FSIP2: variants seen among roughly 807,000 people sequenced by gnomAD.
FSIP2 encodes fibrous sheath interacting protein 2.
Under a neutral mutation model 510.5 loss-of-function variants are expected in FSIP2, and 367 were observed. The observed-to-expected ratio is 0.72, with a 90% CI of 0.66 to 0.78. The LOEUF is 0.78. Ranked by LOEUF, FSIP2 falls within the 30% of genes least tolerant of loss-of-function variation. The pLI, the probability that FSIP2 is intolerant of heterozygous loss-of-function variation, is 0.00. For missense variants in FSIP2, 7,594 were observed against 7,901.7 expected, an observed-to-expected ratio of 0.96 and a Z score of 1.48; for synonymous variants, 2,601 against 2,732.2, an observed-to-expected ratio of 0.95 and a Z score of 1.50.
rs1692880925 is a variant in FSIP2, at chr2:185,782,787, A to G, written c.1469+25A>G. 4 of 1,151,184 alleles carry G rather than the reference A, an allele frequency of 3.5e-6. 1 individual carries two copies. The highest frequency in any genetic ancestry group is 5.0e-6 in the Non-Finnish European group (4 of 796,976). The allele number at this position is 1,151,184 out of a possible 1,614,324, so 71.3% of individuals were successfully genotyped here. On this transcript the variant is annotated intron_variant, in intron 14 of 22. Coordinates refer to ENST00000424728, the MANE Select transcript of FSIP2 (RefSeq NM_173651.4). ...TGTAAGTACCTAAGGAATTATATATAATCATAACTAATTTTAATGATTACA... is the reference window on the plus strand; with the variant it reads ...TGTAAGTACCTAAGGAATTATATATGATCATAACTAATTTTAATGATTACA...
chr2:185,785,235 A>G (rs1291942572), intron 14 of FSIP2, among the ~76,000 whole-genome samples: 2 of 152,116 alleles, frequency 1.3e-5, no homozygotes, highest in Admixed American at 1.3e-4. Flanking sequence ...AGGACAAATG[A>G]TAGAGAACAT....
chr2:185,833,250 T>G lies in FSIP2; in HGVS notation c.*24T>G. ...GAAGCTTTTGTACCTGATATAAGTA[T>G]GCTTACTTCTTTTAGAAAATAAAAT... is the stretch of plus-strand genomic sequence containing the variant. On this transcript the variant is annotated 3_prime_UTR_variant, in exon 23 of 23. Coordinates refer to ENST00000424728, the MANE Select transcript of FSIP2 (RefSeq NM_173651.4). 6.4e-7 allele frequency: 1 copy of G among 1,564,538 alleles called. No homozygotes were observed. Among genetic ancestry groups the G allele is most frequent in the Middle Eastern group, 1.7e-4 (1 of 5,862 alleles).
Position 185,808,312 on chromosome 2 carries a change from T to A in FSIP2, c.19006T>A (p.Ser6336Thr). The A allele has an allele frequency of 6.2e-7, 1 of 1,607,958 alleles. No individual in the cohort carries two copies. The highest frequency in any genetic ancestry group is 8.5e-7 in the Non-Finnish European group (1 of 1,178,086). Reference sequence around the variant, plus strand: ...TGAACTTAAGTCTAAGGAAAAGTCTTCATCCAGAAAAGGTTTGACATTAGA... The same window carrying A: ...TGAACTTAAGTCTAAGGAAAAGTCTACATCCAGAAAAGGTTTGACATTAGA... ...IDELKSKEKS[S>T]SRKGLTLDAK... The change falls in exon 17 of 23, where the codon TCA becomes ACA. Residue 6336 changes from serine (S) to threonine (T), a missense_variant. Transcript: ENST00000424728.
chr2:185,788,550 T>C, intron 15 of FSIP2, 93 bp from the exon 16 acceptor site: 2 of 772,486 alleles, frequency 2.6e-6, no homozygotes, highest in South Asian at 2.1e-5. Flanking sequence ...CACCAATACA[T>C]TGATATAAAA....
chr2:185,749,853 T>G (rs968602857), intron 7 of FSIP2, among the ~76,000 whole-genome samples: 10 of 151,950 alleles, frequency 6.6e-5, no homozygotes, highest in African/African-American at 2.2e-4. Context: ...TCTAGTTTGC[T>G]GAACATTTCT....
In FSIP2 at chr2:185,794,411, A is replaced by T; in HGVS notation, c.7275A>T (p.Ser2425=). Residue 2425 remains serine, a synonymous_variant, in exon 16 of 23, where the codon TCA becomes TCT. Coordinates refer to ENST00000424728, the MANE Select transcript of FSIP2 (RefSeq NM_173651.4). ...CTAACTTTTCACAATTAGCTTTATC[A>T]AATGAAATATTGCTGGGTCACAAAG... ...ENSNFSQLAL[S]NEILLGHKEK... 1.3e-6 allele frequency: 2 copies of T among 1,517,766 alleles called. No homozygotes were observed. The highest frequency in any genetic ancestry group is 1.8e-6 in the Non-Finnish European group (2 of 1,140,194). The allele number at this position is 1,517,766 out of a possible 1,614,324, so 94.0% of individuals were successfully genotyped here.
Position 185,806,501 on chromosome 2 carries a change from A to G in FSIP2, c.17195A>G (p.Lys5732Arg), listed in dbSNP as rs750880254. Residue 5732 changes from lysine (K) to arginine (R), a missense_variant, in exon 17 of 23, where the codon AAA becomes AGA. By Grantham distance (26) the Lys-to-Arg change is conservative. Coordinates refer to ENST00000424728, the MANE Select transcript of FSIP2 (RefSeq NM_173651.4). ...GATTCGGCACAGTCTGTTACAACAA[A>G]AAAAGTATCCTCCTCAACTAACAAA... ...SRDSAQSVTT[K>R]KVSSSTNKNI... is the part of the protein sequence containing the mutation. 6.9e-6 allele frequency: 11 copies of G among 1,602,700 alleles called. No homozygotes were observed. In the Admixed American group the frequency reaches 1.7e-4, roughly 25 times the overall value.
At chr2:185,771,429 A>T (rs1692606199) in intron 13 of FSIP2, among the ~76,000 whole-genome samples, 2 of 152,202 alleles carry the variant, frequency 1.3e-5, no homozygotes, top group African/African-American at 2.4e-5. Context: ...TGCATTTTGT[A>T]AACCTGCAGA....
chr2:185,748,822 T>C (rs1382913848), intron 7 of FSIP2, among the ~76,000 whole-genome samples: 1 of 152,088 alleles, frequency 6.6e-6, no homozygotes, highest in African/African-American at 2.4e-5. Context: ...AATGGAGTTA[T>C]TTTACAATTG....
intron 13 of FSIP2, among the ~76,000 whole-genome samples, chr2:185,782,329 A>C (rs1436982725): frequency 6.6e-6 from 1 of 152,214 alleles, no homozygotes; most frequent in Non-Finnish European, 1.5e-5. Context: ...TCAAGAGTTA[A>C]CATAAGCTGA....
At position 185,763,307 on chromosome 2, in the gene FSIP2, T is replaced by C. The variant is rs1363342763; in HGVS notation, c.1347+18T>C. ...AAGAAGAGGTATATAACAGTTCTTT[T>C]ACCCCAAATACAAACACAATAAAAG... On this transcript the variant is annotated intron_variant, in intron 12 of 22. Transcript: ENST00000424728. 3.2e-6 allele frequency: 3 copies of C among 947,268 alleles called. No individual in the cohort carries two copies. Among genetic ancestry groups the C allele is most frequent in the Non-Finnish European group, 4.9e-6 (3 of 609,834 alleles). 58.7% of individuals were successfully genotyped at this position (947,268 alleles called of 1,614,324 possible). A position where few individuals can be genotyped will look rare whatever the true frequency, so the allele number is the denominator to read the frequency against.
rs546929460 is a variant in FSIP2 at position 185,797,895 on chromosome 2, T to G, written c.10390+369T>G. On this transcript the variant is annotated intron_variant, in intron 16 of 22. Coordinates refer to ENST00000424728, the MANE Select transcript of FSIP2 (RefSeq NM_173651.4). ...TTGTAGAGACAGGGTTTTGCTATGT[T>G]GCGCAGGCTGGTCTCAAACTCCTGG... Among the ~76,000 whole-genome samples, 8 of 151,992 alleles carry G rather than the reference T, an allele frequency of 5.3e-5. No homozygotes were observed. In the South Asian group the frequency reaches 1.4e-3, roughly 28 times the overall value.
At chr2:185,748,160 A>G (rs140858510) in intron 7 of FSIP2, among the ~76,000 whole-genome samples, 18 of 152,184 alleles carry the variant, frequency 1.2e-4, no homozygotes, top group Admixed American at 2.0e-4. Flanking sequence ...TTAAATATGT[A>G]TGCTTCTCTT....
chr2:185,789,245 A>C lies in FSIP2; in HGVS notation c.2109A>C (p.Glu703Asp). 6.5e-7 allele frequency: 1 copy of C among 1,534,590 alleles called. No individual in the cohort carries two copies. Among genetic ancestry groups the C allele is most frequent in the South Asian group, 1.2e-5 (1 of 84,030 alleles). ...ACTTTAAATGTTACTTGAAAGGGGA[A>C]ACTGAAGTGATTTTAGAAAGCATTT... is the stretch of plus-strand genomic sequence containing the variant. Reference protein sequence around the residue: ...FVNFKCYLKGETEVILESILR... With the variant: ...FVNFKCYLKGDTEVILESILR... Residue 703 changes from glutamate to aspartate, a missense_variant, in exon 16 of 23, where the codon GAA (glutamate) becomes GAC (aspartate). Glu to Asp is a conservative substitution (Grantham distance 45, BLOSUM62 2). Coordinates refer to ENST00000424728, the MANE Select transcript of FSIP2 (RefSeq NM_173651.4).
At chr2:185,759,041 C>A (rs1447725300) in intron 9 of FSIP2, among the ~76,000 whole-genome samples, 1 of 151,014 alleles carries the variant, frequency 6.6e-6, no homozygotes, top group Non-Finnish European at 1.5e-5. Context: ...TCATTTATTT[C>A]TCTCTGTCTA....
In FSIP2 at chr2:185,792,085, T is replaced by C. The variant is rs529504299; in HGVS notation, c.4949T>C (p.Ile1650Thr). 1.3e-6 allele frequency: 2 copies of C among 1,533,734 alleles called. No individual in the cohort carries two copies. The highest frequency in any genetic ancestry group is 3.9e-5 in the Admixed American group (2 of 50,862). The part of the protein sequence containing the change: ...YMHAKKVSSA[I>T]LKVIQTELNV... The stretch of plus-strand genomic sequence containing the variant: ...CATGCAAAGAAGGTATCAAGTGCTA[T>C]TTTGAAGGTTATTCAAACAGAATTA... The change falls in exon 16 of 23, where the codon ATT (isoleucine) becomes ACT (threonine). Residue 1650 changes from isoleucine (I) to threonine (T), a missense_variant. By Grantham distance (89) the Ile-to-Thr change is moderately conservative. Transcript: ENST00000424728.
chr2:185,763,271 G>T lies in FSIP2; in HGVS notation c.1329G>T (p.Leu443Phe). Residue 443 changes from leucine to phenylalanine, a missense_variant, in exon 12 of 23, where the codon TTG becomes TTT. Physicochemically the swap from Leu to Phe is conservative, Grantham distance 22. Transcript: ENST00000424728. ...RNFSRVSQAFLDPSKEEKETN... is the reference protein window; with the variant it reads ...RNFSRVSQAFFDPSKEEKETN... ...TTTCCAGAGTTTCACAGGCATTTTT[G>T]GATCCTTCAAAAGAAGAGGTATATA... The T allele has an allele frequency of 2.0e-6, 3 of 1,476,180 alleles. No homozygotes were observed. Among genetic ancestry groups the T allele is most frequent in the Non-Finnish European group, 2.7e-6 (3 of 1,093,006 alleles). 91.4% of individuals were successfully genotyped at this position (1,476,180 alleles called of 1,614,324 possible). A position where few individuals can be genotyped will look rare whatever the true frequency, so the allele number is the denominator to read the frequency against.
chr2:185,816,614 G>T lies in FSIP2; in HGVS notation c.20426+1143G>T, dbSNP rs142312041. ...CCACTTTGGGAGGCAGAGGCATGAA[G>T]ATTGCTTGAGGCCAGGAGTTTGAAG... On this transcript the variant is annotated intron_variant, in intron 19 of 22. Coordinates refer to ENST00000424728, the MANE Select transcript of FSIP2 (RefSeq NM_173651.4). 4.8e-3 allele frequency among the ~76,000 whole-genome samples: 729 copies of T among 151,980 alleles called. 4 individuals carry two copies. Among genetic ancestry groups the T allele is most frequent in the African/African-American group, 0.016 (679 of 41,494 alleles).
intron 15 of FSIP2, among the ~76,000 whole-genome samples, chr2:185,786,858 CA>C (rs1692998245): frequency 6.6e-6 from 1 of 151,798 alleles, no homozygotes; most frequent in South Asian, 2.1e-4. Flanking sequence ...GAAACTTGCT[CA>C]ATTCATAGAA....
Sources: allele counts gnomAD v4.1 joint callset (sites outside exome capture counted in the v4.1 genomes callset), GRCh38; gene constraint gnomAD v4.1.1; transcripts MANE v1.5; gene names NCBI Gene and HGNC (gene_info 2026-07-23, HGNC 2026-07-21).